Variants in CSMD3 observed in about 807,000 individuals in gnomAD.
CSMD3 encodes CUB and Sushi multiple domains 3, also known as CUB and sushi domain-containing protein 3.
Under a neutral mutation model 435.2 loss-of-function variants are expected in CSMD3, and 177 were observed. That is an observed-to-expected ratio of 0.41 (90% CI 0.36 to 0.46). The LOEUF is 0.46. Ranked by LOEUF, CSMD3 falls within the 20% of genes least tolerant of loss-of-function variation. The probability of loss-of-function intolerance (pLI) is 0.34; values close to 1 mark genes in which losing one functional copy is unlikely to be tolerated. For synonymous variants in CSMD3, 1,656 were observed against 1,520.5 expected (o/e 1.09, Z -2.07); for missense variants, 4,265 against 4,504.6 (o/e 0.95, Z 1.52).
chr8:113,134,548 G>A (rs541079251), intron 4 of CSMD3, among the ~76,000 whole-genome samples: 2 of 152,092 alleles, frequency 1.3e-5, no homozygotes, highest in Admixed American at 1.3e-4. Context: ...AACTATAGAT[G>A]ACAACTGTAA....
At chr8:112,249,191 T>C (rs1418108404) in intron 63 of CSMD3, among the ~76,000 whole-genome samples, 3 of 152,116 alleles carry the variant, frequency 2.0e-5, no homozygotes, top group Non-Finnish European at 4.4e-5. Flanking sequence ...AATTTTCCCT[T>C]CATTCACTTC....
chr8:112,634,285 G>A (rs139575811), intron 22 of CSMD3, among the ~76,000 whole-genome samples: 6 of 151,768 alleles, frequency 4.0e-5, no homozygotes, highest in Non-Finnish European at 7.4e-5. Flanking sequence ...CGTGTGTTTA[G>A]AATCAGAAAT....
chr8:112,937,900 C>A lies in CSMD3; in HGVS notation c.1508+9890G>T, dbSNP rs1317767649. On this transcript the variant is annotated intron_variant, in intron 9 of 70. Transcript: ENST00000297405. ...GATGATTAAAAAAAGATAGCATCAGCATTCAAAAATAGAATAAATACTGAG... is the reference window on the plus strand; with the variant it reads ...GATGATTAAAAAAAGATAGCATCAGAATTCAAAAATAGAATAAATACTGAG... Among the ~76,000 whole-genome samples, 3 of 152,144 alleles carry A rather than the reference C, an allele frequency of 2.0e-5. No homozygotes were observed. In the East Asian group the frequency reaches 5.8e-4, roughly 29 times the overall value.
intron 9 of CSMD3, among the ~76,000 whole-genome samples, chr8:112,938,400 T>C (rs548597638): frequency 6.6e-6 from 1 of 152,336 alleles, no homozygotes; most frequent in South Asian, 2.1e-4. Flanking sequence ...ATTTAGAGAT[T>C]TGTCTCTACA....
At chr8:112,426,476 A>G (rs957655875) in intron 32 of CSMD3, among the ~76,000 whole-genome samples, 3 of 152,126 alleles carry the variant, frequency 2.0e-5, no homozygotes, top group Admixed American at 2.0e-4. Context: ...GAAACCCATG[A>G]AGCCAGACTT....
At chr8:112,755,930 T>C (rs1343925356) in intron 13 of CSMD3, among the ~76,000 whole-genome samples, 1 of 151,652 alleles carries the variant, frequency 6.6e-6, no homozygotes. Context: ...TTTTATTTTA[T>C]TTTATTTTAT....
At position 112,727,722 on chromosome 8, in the gene CSMD3, A is replaced by G. The variant is rs569692127; in HGVS notation, c.1973-37672T>C. Among the ~76,000 whole-genome samples the G allele has an allele frequency of 3.1e-4, 47 of 151,882 alleles. 1 individual carries two copies. The South Asian group carries it at 7.3e-3, about 23-fold the overall frequency. The stretch of plus-strand genomic sequence containing the variant: ...GTACAATTACTGTGATCTAGGATTG[A>G]TTATTGATCTATTTTATGTTACTTT... On this transcript the variant is annotated intron_variant, in intron 13 of 70. Coordinates refer to ENST00000297405, the MANE Select transcript of CSMD3 (RefSeq NM_198123.2).
chr8:113,260,408 T>C (rs1588393194), intron 3 of CSMD3, among the ~76,000 whole-genome samples: 1 of 152,150 alleles, frequency 6.6e-6, no homozygotes, highest in East Asian at 1.9e-4. Context: ...GTTCCTCTCC[T>C]GTAAAAAGTC....
intron 23 of CSMD3, among the ~76,000 whole-genome samples, chr8:112,582,994 C>CTGGTCTAT (rs1830445524): frequency 6.6e-6 from 1 of 151,958 alleles, no homozygotes; most frequent in Non-Finnish European, 1.5e-5. Context: ...TATAAACCAC[C>CTGGTCTAT]TGGTCTATGT....
intron 30 of CSMD3, among the ~76,000 whole-genome samples, chr8:112,503,474 C>G (rs920078700): frequency 6.6e-6 from 1 of 152,178 alleles, no homozygotes; most frequent in Non-Finnish European, 1.5e-5. Flanking sequence ...GAAACTTCAG[C>G]TTCTACAAAA....
chr8:112,491,158 A>C (rs1373348149), intron 31 of CSMD3, among the ~76,000 whole-genome samples: 2 of 152,206 alleles, frequency 1.3e-5, no homozygotes, highest in African/African-American at 4.8e-5. Context: ...AAGTGAATAC[A>C]TTCTACAACT....
chr8:113,381,878 A>G (rs576392126), intron 1 of CSMD3, among the ~76,000 whole-genome samples: 1 of 152,174 alleles, frequency 6.6e-6, no homozygotes, highest in Non-Finnish European at 1.5e-5. Flanking sequence ...AGTTTTGCCC[A>G]TTCACAAATA....
At chr8:113,210,929 C>T (rs2092827553) in intron 3 of CSMD3, among the ~76,000 whole-genome samples, 1 of 151,904 alleles carries the variant, frequency 6.6e-6, no homozygotes, top group South Asian at 2.1e-4. Context: ...CAAGACTACA[C>T]ATGCAGTCAA....
At chr8:113,182,901 G>A (rs1027119443) in intron 3 of CSMD3, among the ~76,000 whole-genome samples, 2 of 151,424 alleles carry the variant, frequency 1.3e-5, no homozygotes, top group African/African-American at 4.8e-5. Context: ...TGTTGTTATC[G>A]TTTTTCTATC....
intron 70 of CSMD3, among the ~76,000 whole-genome samples, chr8:112,226,601 T>C (rs1812580089): frequency 6.6e-6 from 1 of 152,160 alleles, no homozygotes; most frequent in African/African-American, 2.4e-5. Flanking sequence ...CAAAGAACAC[T>C]CTCAAGACAG....
Position 112,254,337 on chromosome 8 carries a change from G to T in CSMD3, c.10037-11C>A. 6.3e-7 allele frequency: 1 copy of T among 1,587,674 alleles called. No individual in the cohort carries two copies. Among genetic ancestry groups the T allele is most frequent in the Non-Finnish European group, 8.6e-7 (1 of 1,156,258 alleles). ...AGGTTTGGGTAGGCTCTAAAATGAA[G>T]ATTAAAAAGATATTAGTCCTTTAAA... On this transcript the variant is annotated splice_polypyrimidine_tract_variant and intron_variant, in intron 62 of 70. Transcript: ENST00000297405.
intron 11 of CSMD3, 96 bp from the exon 12 acceptor site, chr8:112,829,885 G>GCA (rs57982384): frequency 2.3e-3 from 1,398 of 599,726 alleles, no homozygotes; most frequent in Non-Finnish European, 3.3e-3. Flanking sequence ...TTGTCTCTCT[G>GCA]CACACACACA....
chr8:112,243,271 T>G (rs1814347414), intron 65 of CSMD3, among the ~76,000 whole-genome samples: 1 of 152,036 alleles, frequency 6.6e-6, no homozygotes, highest in Non-Finnish European at 1.5e-5. Flanking sequence ...CAGAGGAATG[T>G]TCTGATAAAG....
chr8:112,851,411 A>T (rs1346050568), intron 11 of CSMD3, among the ~76,000 whole-genome samples: 1 of 152,128 alleles, frequency 6.6e-6, no homozygotes, highest in Non-Finnish European at 1.5e-5. Context: ...TCTACCTGAG[A>T]ACAATGTAAA....
Sources: allele counts gnomAD v4.1 joint callset (sites outside exome capture counted in the v4.1 genomes callset), GRCh38; gene constraint gnomAD v4.1.1; transcripts MANE v1.5; gene names NCBI Gene and HGNC (gene_info 2026-07-23, HGNC 2026-07-21).